Variants in RYR3 observed in about 807,000 individuals in gnomAD.
The protein encoded by RYR3 is brain ryanodine receptor-calcium release channel.
Under a neutral mutation model 584.3 loss-of-function variants are expected in RYR3, and 207 were observed. The observed-to-expected ratio is 0.35, with a 90% CI of 0.32 to 0.40. The LOEUF is 0.40. Among genes scored for constraint, RYR3 ranks in the 10% least tolerant of loss-of-function variants. The probability of loss-of-function intolerance (pLI) is 1.00; values close to 1 mark genes in which losing one functional copy is unlikely to be tolerated. For missense variants in RYR3, 5,616 were observed against 6,089.2 expected (o/e 0.92, Z 2.59); for synonymous variants, 2,416 against 2,248.5 (o/e 1.07, Z -2.11).
chr15:33,455,964 T>G (rs901712806), intron 1 of RYR3, among the ~76,000 whole-genome samples: 1 of 152,200 alleles, frequency 6.6e-6, no homozygotes, highest in Non-Finnish European at 1.5e-5. Context: ...AATGACTGTT[T>G]CCTTAGATTG....
At chr15:33,356,546 A>G (rs934532056) in intron 1 of RYR3, among the ~76,000 whole-genome samples, 4 of 152,218 alleles carry the variant, frequency 2.6e-5, no homozygotes, top group African/African-American at 4.8e-5. Context: ...ATAATTAAGA[A>G]CATATCAAAA....
intron 74 of RYR3, 123 bp from the exon 75 acceptor site, chr15:33,816,739 C>G (rs1011299794): frequency 3.3e-6 from 2 of 605,430 alleles, no homozygotes; most frequent in African/African-American, 1.9e-5. Flanking sequence ...ACTGGCTACC[C>G]TGACCAATCA....
chr15:33,853,771 G>C, intron 96 of RYR3, 89 bp downstream of exon 96: 1 of 1,505,378 alleles, frequency 6.6e-7, no homozygotes, highest in Non-Finnish European at 8.9e-7. Context: ...CCGTGTCTTT[G>C]TTCTCTCAGG....
At chr15:33,740,237 G>A (rs72713290) in intron 51 of RYR3, among the ~76,000 whole-genome samples, 17,252 of 152,120 alleles carry the variant, frequency 0.11, 1,273 homozygotes, top group South Asian at 0.25. Context: ...AGAGATAGAC[G>A]TTCCCACACA....
At chr15:33,484,780 G>A in intron 2 of RYR3, among the ~76,000 whole-genome samples, 1 of 152,282 alleles carries the variant, frequency 6.6e-6, no homozygotes, top group Middle Eastern at 3.4e-3. Flanking sequence ...ACAGAGGGAG[G>A]AGATGGAATT....
chr15:33,703,061 A>G (rs1596241213), intron 42 of RYR3, among the ~76,000 whole-genome samples: 1 of 152,324 alleles, frequency 6.6e-6, no homozygotes, highest in East Asian at 1.9e-4. Flanking sequence ...ACTCACGAAG[A>G]TTCTGCTGTT....
intron 1 of RYR3, among the ~76,000 whole-genome samples, chr15:33,353,099 C>T (rs1054352284): frequency 2.0e-5 from 3 of 152,110 alleles, no homozygotes; most frequent in African/African-American, 7.2e-5. Flanking sequence ...CTTCTTCATT[C>T]CTCTTCTCTA....
intron 28 of RYR3, among the ~76,000 whole-genome samples, chr15:33,645,048 G>T (rs1309425615): frequency 2.6e-5 from 4 of 151,872 alleles, no homozygotes; most frequent in Non-Finnish European, 5.9e-5. Context: ...AAATTTAAAA[G>T]TTCCATACCT....
Position 33,722,570 on chromosome 15 carries a change from T to TCCCACTG in RYR3, c.6620-138_6620-132dup, listed in dbSNP as rs1410578492. The TCCCACTG allele has an allele frequency of 1.5e-5, 11 of 723,732 alleles. No homozygotes were observed. The East Asian group carries it at 2.4e-4, about 16-fold the overall frequency. 44.8% of individuals were successfully genotyped at this position (723,732 alleles called of 1,614,324 possible). On this transcript the variant is annotated intron_variant, in intron 43 of 103. Coordinates refer to ENST00000634891, the MANE Select transcript of RYR3 (RefSeq NM_001036.6). Reference sequence around the variant, plus strand: ...ACAGATGTCTTAGTTCCTTCTCCACTCCCACTGCCCACTTGACTGGCCTAA... The same window carrying TCCCACTG: ...ACAGATGTCTTAGTTCCTTCTCCACTCCCACTGCCCACTGCCCACTTGACTGGCCTAA...
At chr15:33,540,242 GAGAA>G (rs905360105) in intron 6 of RYR3, among the ~76,000 whole-genome samples, 1 of 152,152 alleles carries the variant, frequency 6.6e-6, no homozygotes, top group African/African-American at 2.4e-5. Flanking sequence ...GTTTATGTTG[GAGAA>G]AGAAAGAAAA....
chr15:33,712,097 G>T (rs557133461), intron 43 of RYR3, among the ~76,000 whole-genome samples: 1 of 152,282 alleles, frequency 6.6e-6, no homozygotes, highest in South Asian at 2.1e-4. Context: ...GTGGCAGAAG[G>T]TGAAGGGGGA....
chr15:33,854,240 G>C (rs2079407731), intron 96 of RYR3, 149 bp from the exon 97 acceptor site: 1 of 618,208 alleles, frequency 1.6e-6, no homozygotes, highest in African/African-American at 1.9e-5. Context: ...CTGTTCTCTT[G>C]TCTCATGGGG....
intron 32 of RYR3, among the ~76,000 whole-genome samples, chr15:33,653,290 C>T (rs376669418): frequency 1.3e-5 from 2 of 152,102 alleles, no homozygotes; most frequent in Non-Finnish European, 2.9e-5. Context: ...AAATAGAAAC[C>T]TATAAAAAGG....
intron 1 of RYR3, among the ~76,000 whole-genome samples, chr15:33,329,872 G>A (rs1970171829): frequency 6.6e-6 from 1 of 152,168 alleles, no homozygotes; most frequent in African/African-American, 2.4e-5. Flanking sequence ...CTGTGGCAAT[G>A]TAATGCCAAG....
At chr15:33,450,878 T>TGGTG (rs893182111) in intron 1 of RYR3, among the ~76,000 whole-genome samples, 15 of 152,192 alleles carry the variant, frequency 9.9e-5, no homozygotes, top group African/African-American at 3.6e-4. Context: ...GACGCATGTT[T>TGGTG]GGTGGCTTTC....
At chr15:33,600,920 G>A (rs2059628246) in intron 16 of RYR3, among the ~76,000 whole-genome samples, 1 of 152,134 alleles carries the variant, frequency 6.6e-6, no homozygotes, top group African/African-American at 2.4e-5. Context: ...AATACTCAGT[G>A]CCAAGCACCA....
At chr15:33,470,247 A>G (rs898612373) in intron 1 of RYR3, among the ~76,000 whole-genome samples, 5 of 152,156 alleles carry the variant, frequency 3.3e-5, no homozygotes, top group Non-Finnish European at 5.9e-5. Flanking sequence ...CTTCTAACTT[A>G]GTACTTTCTT....
In RYR3 at chr15:33,519,938, C is replaced by T. The variant is rs987375202; in HGVS notation, c.280-10654C>T. On this transcript the variant is annotated intron_variant, in intron 3 of 103. Transcript: ENST00000634891. ...GGTAATATAAACTTGGCCCCATGCT[C>T]ATTATGTGGATATAGAGAGAACAAG... 3.9e-5 allele frequency among the ~76,000 whole-genome samples: 6 copies of T among 152,086 alleles called. No individual in the cohort carries two copies. In the East Asian group the frequency reaches 9.6e-4, roughly 24 times the overall value.
rs75085258 is a variant in RYR3, at chr15:33,583,078, A to G, written c.1574-1317A>G. Among the ~76,000 whole-genome samples, 992 of 152,286 alleles carry G rather than the reference A, an allele frequency of 6.5e-3. 8 individuals are homozygous for G. The highest frequency in any genetic ancestry group is 9.7e-3 in the Non-Finnish European group (663 of 68,016). ...ATCTGCCAGTGGCTTTCAAGTAGGA[A>G]CAGACATCAGGATCAGCTGGAGAGC... On this transcript the variant is annotated intron_variant, in intron 14 of 103. Coordinates refer to ENST00000634891, the MANE Select transcript of RYR3 (RefSeq NM_001036.6).
Sources: allele counts gnomAD v4.1 joint callset (sites outside exome capture counted in the v4.1 genomes callset), GRCh38; gene constraint gnomAD v4.1.1; transcripts MANE v1.5; gene names NCBI Gene and HGNC (gene_info 2026-07-23, HGNC 2026-07-21).